KEL: variants seen among roughly 807,000 people sequenced by gnomAD.
KEL encodes the protein Kell metallo-endopeptidase (Kell blood group), also known as kell blood group glycoprotein.
KEL carries 96 observed loss-of-function variants against 99.5 expected under a neutral mutation model. That is an observed-to-expected ratio of 0.97 (90% CI 0.82 to 1.14). KEL has a LOEUF of 1.14. Among genes scored for constraint, KEL ranks in the 50% most tolerant of loss-of-function variants. The pLI, the probability that KEL is intolerant of heterozygous loss-of-function variation, is 0.00. For synonymous variants in KEL, 355 were observed against 354.8 expected (o/e 1.00, Z -0.01); for missense variants, 926 against 924.2 (o/e 1.00, Z -0.03).
intron 6 of KEL, among the ~76,000 whole-genome samples, chr7:142,955,591 C>T (rs963096766): frequency 3.3e-5 from 5 of 152,220 alleles, no homozygotes; most frequent in African/African-American, 1.2e-4. Context: ...AATTAGCACC[C>T]CAGGTAAGCA....
In KEL at chr7:142,943,832, G is replaced by A. The variant is rs1796437982; in HGVS notation, c.1543C>T (p.Leu515Phe). The A allele has an allele frequency of 6.2e-7, 1 of 1,614,048 alleles. No individual in the cohort carries two copies. The highest frequency in any genetic ancestry group is 8.5e-7 in the Non-Finnish European group (1 of 1,180,032). Residue 515 changes from leucine (L) to phenylalanine (F), a missense_variant, in exon 14 of 19, where the codon CTC (leucine) becomes TTC (phenylalanine). Leu to Phe is a conservative substitution (Grantham distance 22). Transcript: ENST00000355265. Reference protein sequence around the residue: ...LQSVLSCVRSLRARIVQSFLQ... With the variant: ...LQSVLSCVRSFRARIVQSFLQ... ...AAGCTCTGGACAATTCTAGCTCGGA[G>A]GGACCGGACACAGCTCAGGACAGAC...
rs573654657 is a variant in KEL at position 142,948,296 on chromosome 7, C to T, written c.1204-1979G>A. On this transcript the variant is annotated intron_variant, in intron 10 of 18. Coordinates refer to ENST00000355265, the MANE Select transcript of KEL (RefSeq NM_000420.3). ...GAAAGAGAGGGAGAGAAATAGAATTCGAGAAAAAAAAGTCTCCAAAATATA... is the reference window on the plus strand; with the variant it reads ...GAAAGAGAGGGAGAGAAATAGAATTTGAGAAAAAAAAGTCTCCAAAATATA... 1.3e-4 allele frequency among the ~76,000 whole-genome samples: 19 copies of T among 151,188 alleles called. No homozygotes were observed. In the East Asian group the frequency reaches 1.7e-3, roughly 14 times the overall value.
intron 13 of KEL, 108 bp downstream of exon 13, chr7:142,944,215 G>A (rs1796450862): frequency 1.1e-6 from 1 of 915,350 alleles, no homozygotes; most frequent in Admixed American, 1.7e-5. Context: ...AGTAAGGACA[G>A]AGCTAAGTCA....
At chr7:142,961,137 A>G in intron 3 of KEL, 33 bp from the exon 4 acceptor site, 1 of 1,611,518 alleles carries the variant, frequency 6.2e-7, no homozygotes. Flanking sequence ...GGGAAAGAAG[A>G]GGCAAAAAGA....
chr7:142,958,195 G>C, intron 5 of KEL, 109 bp downstream of exon 5: 1 of 1,505,246 alleles, frequency 6.6e-7, no homozygotes, highest in Non-Finnish European at 9.2e-7. Context: ...AGAAATTGGG[G>C]GGCCCTAGGA....
At chr7:142,956,588 C>T (rs1796835888) in intron 6 of KEL, among the ~76,000 whole-genome samples, 1 of 152,168 alleles carries the variant, frequency 6.6e-6, no homozygotes. Flanking sequence ...TCAGCCTCCT[C>T]ACTGACTCCA....
rs1224727436 is a variant in KEL, at chr7:142,943,479, C to T, written c.1703+7G>A. The stretch of plus-strand genomic sequence containing the variant: ...CTCCCTACCTACCCTTACAGAGTGA[C>T]CCATACCTGGGATAGCCAGGGTGGA... On this transcript the variant is annotated splice_region_variant and intron_variant, in intron 15 of 18. Transcript: ENST00000355265. 6.2e-7 allele frequency: 1 copy of T among 1,611,598 alleles called. No individual in the cohort carries two copies. The highest frequency in any genetic ancestry group is 8.5e-7 in the Non-Finnish European group (1 of 1,177,688).
intron 11 of KEL, among the ~76,000 whole-genome samples, chr7:142,945,654 G>A (rs962031058): frequency 3.3e-5 from 5 of 151,692 alleles, no homozygotes; most frequent in African/African-American, 1.2e-4. Context: ...TGGAGATGGA[G>A]TTTCACTCTT....
intron 10 of KEL, among the ~76,000 whole-genome samples, chr7:142,948,717 A>C (rs1365213110): frequency 1.3e-5 from 2 of 152,166 alleles, no homozygotes; most frequent in African/African-American, 4.8e-5. Flanking sequence ...CATATGAAAG[A>C]CCGGAAGCCG....
chr7:142,961,455 G>A lies in KEL; in HGVS notation c.128C>T (p.Ala43Val). ...AGCTGTCAGCACCCGCCTGGCCACT[G>A]CCCATGGCCTGCTCCCTTCCACGGG... ...RLPVEGSRPW[A>V]VARRVLTAIL... The change falls in exon 3 of 19, where the codon GCA (alanine) becomes GTA (valine). Residue 43 changes from alanine (A) to valine (V), a missense_variant. Transcript: ENST00000355265. The A allele has an allele frequency of 6.2e-7, 1 of 1,611,824 alleles. No individual in the cohort carries two copies. Among genetic ancestry groups the A allele is most frequent in the Non-Finnish European group, 8.5e-7 (1 of 1,179,092 alleles).
chr7:142,961,967 G>A, intron 1 of KEL, 95 bp from the exon 2 acceptor site: 1 of 1,601,002 alleles, frequency 6.2e-7, no homozygotes, highest in South Asian at 1.1e-5. Flanking sequence ...TACCCTCGCT[G>A]CCTGCCCTGC....
rs754323370 is a variant in KEL at position 142,960,986 on chromosome 7, G to A, written c.342C>T (p.Thr114=). The A allele has an allele frequency of 6.2e-7, 1 of 1,614,178 alleles. No homozygotes were observed. Among genetic ancestry groups the A allele is most frequent in the South Asian group, 1.1e-5 (1 of 91,088 alleles). ...FSFACGRAKE[T]NNSFQELATK... The stretch of plus-strand genomic sequence containing the variant: ...TGGCAAGCTCCTGAAAAGAATTATT[G>A]GTCTCTTTGGCCCTTCCACAGGCAA... Residue 114 remains threonine (T), a synonymous_variant, in exon 4 of 19, where the codon ACC becomes ACT. Transcript: ENST00000355265.
At chr7:142,956,484 TC>T (rs953485427) in intron 6 of KEL, among the ~76,000 whole-genome samples, 14 of 152,164 alleles carry the variant, frequency 9.2e-5, no homozygotes, top group African/African-American at 2.9e-4. Flanking sequence ...TCGCCTGGCT[TC>T]TTAGAAATAA....
chr7:142,958,542 G>A (rs1796884781), intron 4 of KEL, 114 bp from the exon 5 acceptor site: 2 of 956,166 alleles, frequency 2.1e-6, no homozygotes, highest in African/African-American at 1.6e-5. Context: ...CTCATCAGAT[G>A]GGTTTTATTT....
At chr7:142,953,680 G>GGT in intron 9 of KEL, 128 bp downstream of exon 9, 1 of 1,100,542 alleles carries the variant, frequency 9.1e-7, no homozygotes, top group East Asian at 2.3e-5. Context: ...ACAGGTGGCA[G>GGT]GTTCCTCTTA....
Position 142,958,321 on chromosome 7 carries a change from T to A in KEL, c.508A>T (p.Arg170Ter). ...AIEAAGTGPL[R>*]QVIEELGGWR... ...TTTCTCACCTCCTCAATAACTTGTC[T>A]GAGGGGACCAGTCCCTGCAGCTTCA... is the stretch of plus-strand genomic sequence containing the variant. Residue 170 changes from arginine to a stop codon, truncating the protein, a stop_gained, in exon 5 of 19, where the codon AGA (arginine) becomes TGA (stop). Transcript: ENST00000355265. LOFTEE classifies it high-confidence loss of function. The A allele has an allele frequency of 1.2e-6, 2 of 1,614,162 alleles. No individual in the cohort carries two copies. The highest frequency in any genetic ancestry group is 2.2e-5 in the South Asian group (2 of 91,088).
intron 3 of KEL, 50 bp downstream of exon 3, chr7:142,961,310 C>G (rs758141988): frequency 6.2e-7 from 1 of 1,611,966 alleles, no homozygotes; most frequent in South Asian, 1.1e-5. Context: ...GCCTGGGCCC[C>G]AGGGCTGGGG....
At chr7:142,961,893 A>G (rs1796968516) in intron 1 of KEL, 21 bp from the exon 2 acceptor site, 1 of 1,612,420 alleles carries the variant, frequency 6.2e-7, no homozygotes. Context: ...TGGAGGGAGA[A>G]GGAGGAGAGA....
At position 142,943,952 on chromosome 7, in the gene KEL, T is replaced by G. The variant is rs559474537; in HGVS notation, c.1492-69A>C. On this transcript the variant is annotated intron_variant, in intron 13 of 18. Coordinates refer to ENST00000355265, the MANE Select transcript of KEL (RefSeq NM_000420.3). ...ATAGATGCACGCTGACAAACACCAATGGGACCATTTGACCCCAAACAGGCA... is the reference window on the plus strand; with the variant it reads ...ATAGATGCACGCTGACAAACACCAAGGGGACCATTTGACCCCAAACAGGCA... 2.9e-4 allele frequency: 376 copies of G among 1,301,948 alleles called. 4 individuals carry two copies. The Middle Eastern group carries it at 6.4e-3, about 22-fold the overall frequency. The allele number at this position is 1,301,948 out of a possible 1,614,324, so 80.6% of individuals were successfully genotyped here. A position where few individuals can be genotyped will look rare whatever the true frequency, so the allele number is the denominator to read the frequency against.
Sources: allele counts gnomAD v4.1 joint callset (sites outside exome capture counted in the v4.1 genomes callset), GRCh38; gene constraint gnomAD v4.1.1; transcripts MANE v1.5; gene names NCBI Gene and HGNC (gene_info 2026-07-23, HGNC 2026-07-21).